TOP6BL: variants seen among roughly 807,000 people sequenced by gnomAD.
The protein encoded by TOP6BL is TOP6B like initiator of meiotic double strand breaks, also known as type 2 DNA topoisomerase 6 subunit B-like.
chr11:66,754,267 CT>C, the TOP6BL span, among the ~76,000 whole-genome samples: 1 of 152,180 alleles, frequency 6.6e-6, no homozygotes, highest in Non-Finnish European at 1.5e-5. Context: ...TCTCTCTTTT[CT>C]TTCCCCCCTT....
At chr11:66,744,783 G>C in the TOP6BL span, 1 of 1,250,702 alleles carries the variant, frequency 8.0e-7, no homozygotes, top group East Asian at 3.1e-5. Context: ...ACTCGGGCGT[G>C]GGCACTGGCG....
At chr11:66,777,455 A>G in the TOP6BL span, among the ~76,000 whole-genome samples, 1 of 152,220 alleles carries the variant, frequency 6.6e-6, no homozygotes, top group Non-Finnish European at 1.5e-5. Flanking sequence ...ACAGTTCTCA[A>G]TAAGTGCTAA....
chr11:66,773,801 A>G, the TOP6BL span, among the ~76,000 whole-genome samples: 1 of 151,918 alleles, frequency 6.6e-6, no homozygotes, highest in East Asian at 1.9e-4. Context: ...CAGTGGAGTG[A>G]TCTCAGCTCA....
the TOP6BL span, among the ~76,000 whole-genome samples, chr11:66,809,350 A>G: frequency 6.6e-6 from 1 of 152,258 alleles, no homozygotes; most frequent in Non-Finnish European, 1.5e-5. Flanking sequence ...ATGTCTTGAA[A>G]TAAAATCATT....
At chr11:66,744,925 G>T in the TOP6BL span, 1 of 1,254,506 alleles carries the variant, frequency 8.0e-7, no homozygotes, top group Non-Finnish European at 1.0e-6. Context: ...TCGAGGTGAT[G>T]CTGGGAAGGG....
chr11:66,745,912 G>C, the TOP6BL span, among the ~76,000 whole-genome samples: 1 of 152,218 alleles, frequency 6.6e-6, no homozygotes, highest in Non-Finnish European at 1.5e-5. Context: ...TCGGGTTCAA[G>C]GGATTCTCCT....
chr11:66,781,794 C>G, the TOP6BL span, among the ~76,000 whole-genome samples: 1 of 152,060 alleles, frequency 6.6e-6, no homozygotes, highest in Non-Finnish European at 1.5e-5. Flanking sequence ...TGCCTTGGCC[C>G]CTCAAAGTGC....
the TOP6BL span, chr11:66,828,297 T>G: frequency 1.9e-6 from 3 of 1,613,746 alleles, no homozygotes; most frequent in South Asian, 3.3e-5. Context: ...AGGACCAAAC[T>G]GCACAAAGTA....
the TOP6BL span, chr11:66,804,002 A>G: frequency 6.3e-7 from 1 of 1,598,450 alleles, no homozygotes; most frequent in Non-Finnish European, 8.5e-7. Context: ...CAGTAGACCA[A>G]ATTTTGGTAC....
chr11:66,824,918 T>A, the TOP6BL span, among the ~76,000 whole-genome samples: 2 of 152,084 alleles, frequency 1.3e-5, no homozygotes, highest in Non-Finnish European at 2.9e-5. Context: ...TGTGTGCATG[T>A]GTCTTTATAG....
At chr11:66,761,735 G>T in the TOP6BL span, 1 of 785,892 alleles carries the variant, frequency 1.3e-6, no homozygotes. Context: ...CCAGTCCAGG[G>T]AATCTGTGTT....
chr11:66,809,046 GCC>G, the TOP6BL span, among the ~76,000 whole-genome samples: 1 of 152,188 alleles, frequency 6.6e-6, no homozygotes, highest in Non-Finnish European at 1.5e-5. Flanking sequence ...CCGGGTTCAT[GCC>G]ATTCTCCTGC....
the TOP6BL span, among the ~76,000 whole-genome samples, chr11:66,788,547 G>C: frequency 6.6e-6 from 1 of 152,134 alleles, no homozygotes; most frequent in Non-Finnish European, 1.5e-5. Context: ...AGACTAGATG[G>C]CTTAAGCAAT....
At chr11:66,758,245 T>G in the TOP6BL span, 2 of 553,748 alleles carry the variant, frequency 3.6e-6, no homozygotes, top group Non-Finnish European at 4.6e-6. Flanking sequence ...ATTTCTAATA[T>G]TTATAGTTAG....
At chr11:66,752,130 ATCCC>A in the TOP6BL span, among the ~76,000 whole-genome samples, 1 of 146,116 alleles carries the variant, frequency 6.8e-6, no homozygotes. Context: ...TGCTTCCTGA[ATCCC>A]TCTCTCTCTT....
At chr11:66,828,609 T>A in the TOP6BL span, 2 of 421,498 alleles carry the variant, frequency 4.7e-6, no homozygotes, top group Admixed American at 7.3e-5. Context: ...TTTTTGTTAT[T>A]TCAGGCAGGA....
the TOP6BL span, among the ~76,000 whole-genome samples, chr11:66,753,118 G>A: frequency 2.6e-5 from 4 of 151,912 alleles, no homozygotes; most frequent in Non-Finnish European, 4.4e-5. Context: ...GACAGAGTGA[G>A]ACTCCGTCTC....
the TOP6BL span, among the ~76,000 whole-genome samples, chr11:66,789,826 A>G: frequency 6.6e-6 from 1 of 152,222 alleles, no homozygotes; most frequent in African/African-American, 2.4e-5. Flanking sequence ...AGTGTCATAC[A>G]ACAGTTAAAT....
At chr11:66,821,733 A>G in the TOP6BL span, 1 of 1,613,484 alleles carries the variant, frequency 6.2e-7, no homozygotes. Flanking sequence ...ACTGTGGACA[A>G]GGTCTTGGAG....
Sources: gnomAD v4.1 joint callset for allele counts (sites outside exome capture counted in the v4.1 genomes callset) on GRCh38, gnomAD v4.1.1 for gene constraint, MANE v1.5 for transcripts, NCBI Gene and HGNC (gene_info 2026-07-23, HGNC 2026-07-21) for gene names.